KCNN3: variants seen among roughly 807,000 people sequenced by gnomAD.
KCNN3 encodes small conductance calcium-activated potassium channel protein 3.
A neutral mutation model predicts 62.9 loss-of-function variants in KCNN3; 16 were observed. The observed-to-expected ratio is 0.25, with a 90% CI of 0.17 to 0.39. The LOEUF is 0.39. Ranked by LOEUF, KCNN3 falls within the 10% of genes least tolerant of loss-of-function variation. The pLI is 1.00. For synonymous variants in KCNN3, 370 were observed against 389.2 expected (o/e 0.95, Z 0.58); for missense variants, 599 against 949.4 (o/e 0.63, Z 4.85).
At chr1:154,824,230 A>C (rs1032900734) in intron 1 of KCNN3, among the ~76,000 whole-genome samples, 1 of 140,600 alleles carries the variant, frequency 7.1e-6, no homozygotes, top group African/African-American at 2.8e-5. Context: ...TTTGCTATGC[A>C]TAAGATGATC....
intron 3 of KCNN3, among the ~76,000 whole-genome samples, chr1:154,762,993 G>A (rs1037151261): frequency 6.6e-6 from 1 of 151,948 alleles, no homozygotes; most frequent in African/African-American, 2.4e-5. Context: ...AGGTTTCATT[G>A]ATCTGTCATT....
intron 7 of KCNN3, among the ~76,000 whole-genome samples, chr1:154,709,949 T>G (rs1700042562): frequency 1.3e-5 from 2 of 152,260 alleles, no homozygotes; most frequent in South Asian, 2.1e-4. Context: ...CCCTTGGATC[T>G]TGGTTTCCTC....
chr1:154,785,147 T>A (rs879636252), intron 2 of KCNN3, among the ~76,000 whole-genome samples: 8 of 152,226 alleles, frequency 5.3e-5, no homozygotes, highest in Admixed American at 3.9e-4. Context: ...ATAAGTTTCT[T>A]TCCTTTTGAC....
At chr1:154,755,218 C>T (rs1647579959) in intron 3 of KCNN3, among the ~76,000 whole-genome samples, 1 of 152,134 alleles carries the variant, frequency 6.6e-6, no homozygotes, top group Non-Finnish European at 1.5e-5. Context: ...CACCTATAAT[C>T]CTAATACTTG....
intron 2 of KCNN3, among the ~76,000 whole-genome samples, chr1:154,783,327 G>T (rs1460069128): frequency 2.6e-5 from 4 of 152,172 alleles, no homozygotes; most frequent in Non-Finnish European, 5.9e-5. Flanking sequence ...AATAAACTGG[G>T]TTCTATCCCT....
In KCNN3 at chr1:154,702,518, T is replaced by C. The variant is rs1699874147; in HGVS notation, c.*5458A>G. ...ATTCTCTTGTTGTTCTCGTGGCCAGTGCAGAATGGAGAGTCTGGGACCAAA... is the reference window on the plus strand; with the variant it reads ...ATTCTCTTGTTGTTCTCGTGGCCAGCGCAGAATGGAGAGTCTGGGACCAAA... On this transcript the variant is annotated 3_prime_UTR_variant, in exon 8 of 8. Transcript: ENST00000271915. 6.6e-6 allele frequency: 1 copy of C among 151,076 alleles called. No homozygotes were observed. Among genetic ancestry groups the C allele is most frequent in the Admixed American group, 6.6e-5 (1 of 15,130 alleles). 9.4% of individuals were successfully genotyped at this position (151,076 alleles called of 1,614,324 possible). A position where few individuals can be genotyped will look rare whatever the true frequency, so the allele number is the denominator to read the frequency against.
intron 2 of KCNN3, among the ~76,000 whole-genome samples, chr1:154,782,439 T>C (rs1299838348): frequency 1.3e-5 from 2 of 152,232 alleles, no homozygotes; most frequent in East Asian, 1.9e-4. Context: ...GTGGCTGCCA[T>C]CTCACTGTGT....
chr1:154,778,334 A>C (rs1648877428), intron 2 of KCNN3, among the ~76,000 whole-genome samples: 1 of 152,226 alleles, frequency 6.6e-6, no homozygotes, highest in South Asian at 2.1e-4. Flanking sequence ...TTGTGGGTAT[A>C]TAAATCTGAA....
chr1:154,787,462 G>A (rs1297398406), intron 2 of KCNN3, among the ~76,000 whole-genome samples: 7 of 152,232 alleles, frequency 4.6e-5, no homozygotes, highest in Non-Finnish European at 8.8e-5. Flanking sequence ...GGGGTACAGC[G>A]GAGATCAGGA....
intron 5 of KCNN3, among the ~76,000 whole-genome samples, chr1:154,722,949 C>G (rs1700388358): frequency 6.6e-6 from 1 of 151,892 alleles, no homozygotes; most frequent in Non-Finnish European, 1.5e-5. Context: ...TCAGGCTAGT[C>G]TCGAACTCCT....
chr1:154,791,439 C>T (rs1029521473), intron 2 of KCNN3, among the ~76,000 whole-genome samples: 1 of 151,976 alleles, frequency 6.6e-6, no homozygotes, highest in East Asian at 1.9e-4. Flanking sequence ...TGATCGGCTG[C>T]CTCCCGCTGG....
chr1:154,775,678 C>T (rs999691203), intron 2 of KCNN3, among the ~76,000 whole-genome samples: 17 of 147,132 alleles, frequency 1.2e-4, no homozygotes, highest in African/African-American at 4.0e-4. Flanking sequence ...CATCTCTGAA[C>T]AGGAGACAGT....
rs1283467504 is a variant in KCNN3 at position 154,701,445 on chromosome 1, C to G, written c.*6531G>C. ...GTAACCGAACACATCCTGTTTTCAT[C>G]TAGAAGTAGTGCCTTAGCCATATGA... On this transcript the variant is annotated 3_prime_UTR_variant, in exon 8 of 8. Transcript: ENST00000271915. 1 of 152,168 alleles carries G rather than the reference C, an allele frequency of 6.6e-6. No homozygotes were observed. Among genetic ancestry groups the G allele is most frequent in the Admixed American group, 6.5e-5 (1 of 15,276 alleles). The allele number at this position is 152,168 out of a possible 1,614,324, so 9.4% of individuals were successfully genotyped here. A position where few individuals can be genotyped will look rare whatever the true frequency, so the allele number is the denominator to read the frequency against.
At chr1:154,812,526 C>T (rs900379321) in intron 2 of KCNN3, among the ~76,000 whole-genome samples, 7 of 151,640 alleles carry the variant, frequency 4.6e-5, no homozygotes, top group Non-Finnish European at 8.8e-5. Flanking sequence ...TTTGTCCTTG[C>T]GATAGTTTGC....
chr1:154,726,193 G>C (rs942073439), intron 4 of KCNN3, among the ~76,000 whole-genome samples, 167 bp from the exon 5 acceptor site: 2 of 152,192 alleles, frequency 1.3e-5, no homozygotes, highest in Non-Finnish European at 2.9e-5. Flanking sequence ...GTTGAAATCT[G>C]TCAGGACTCT....
intron 3 of KCNN3, among the ~76,000 whole-genome samples, chr1:154,741,008 T>C (rs1243239626): frequency 2.0e-5 from 3 of 152,306 alleles, no homozygotes; most frequent in Admixed American, 6.5e-5. Context: ...ATCCTTTAAT[T>C]TATAATTAGC....
chr1:154,833,426 C>T (rs998707824), intron 1 of KCNN3, among the ~76,000 whole-genome samples: 7 of 152,198 alleles, frequency 4.6e-5, no homozygotes, highest in African/African-American at 1.2e-4. Context: ...CCAGGCTTCC[C>T]GGAGTTGCCA....
In KCNN3 at chr1:154,698,161, A is replaced by G. The variant is rs1699776414; in HGVS notation, c.*9815T>C. 1 of 152,206 alleles carries G rather than the reference A, an allele frequency of 6.6e-6. No individual in the cohort carries two copies. Among genetic ancestry groups the G allele is most frequent in the Non-Finnish European group, 1.5e-5 (1 of 68,040 alleles). The allele number at this position is 152,206 out of a possible 1,614,324, so 9.4% of individuals were successfully genotyped here. A position where few individuals can be genotyped will look rare whatever the true frequency, so the allele number is the denominator to read the frequency against. ...CAACTTAGAAAAAGTCCCAGATATT[A>G]CATACTCCTTCTAAAGCACCTAATT... On this transcript the variant is annotated 3_prime_UTR_variant, in exon 8 of 8. Coordinates refer to ENST00000271915, the MANE Select transcript of KCNN3 (RefSeq NM_002249.6).
chr1:154,818,136 T>C lies in KCNN3; in HGVS notation c.1029+3953A>G, dbSNP rs77163775. On this transcript the variant is annotated intron_variant, in intron 2 of 7. Transcript: ENST00000271915. ...GTTTTCATTTCTCTCCCGGACACAC[T>C]GGCCTGAGGAAAAGAGGTGCCTGAG... 2.5e-3 allele frequency among the ~76,000 whole-genome samples: 379 copies of C among 152,310 alleles called. 13 individuals are homozygous for C. The East Asian group carries it at 0.06, about 24-fold the overall frequency.
Sources: allele counts gnomAD v4.1 joint callset (sites outside exome capture counted in the v4.1 genomes callset), GRCh38; gene constraint gnomAD v4.1.1; transcripts MANE v1.5; gene names NCBI Gene and HGNC (gene_info 2026-07-23, HGNC 2026-07-21).